The following SLC17A3 variants were observed in gnomAD, a reference collection of about 807,000 sequenced individuals.
SLC17A3 encodes solute carrier family 17 member 3.
Under a neutral mutation model 60.3 loss-of-function variants are expected in SLC17A3, and 61 were observed. That is an observed-to-expected ratio of 1.01 (90% CI 0.82 to 1.25). The LOEUF (loss-of-function observed/expected upper bound fraction) is 1.25, where lower values mean the gene tolerates loss of function less well. SLC17A3 is among the 50% of genes most tolerant of loss of function. The probability of loss-of-function intolerance (pLI) is 0.00; values close to 1 mark genes in which losing one functional copy is unlikely to be tolerated. For missense variants in SLC17A3, 624 were observed against 594.9 expected (o/e 1.05, Z -0.51); for synonymous variants, 192 against 208.9 (o/e 0.92, Z 0.70).
intron 5 of SLC17A3, among the ~76,000 whole-genome samples, chr6:25,856,836 G>C (rs1765364692): frequency 7.3e-6 from 1 of 136,122 alleles, no homozygotes; most frequent in Non-Finnish European, 1.6e-5. Context: ...GACAGAGTGA[G>C]ACTCTGTCTC....
intron 2 of SLC17A3, among the ~76,000 whole-genome samples, chr6:25,866,372 C>A (rs1188876403): frequency 6.6e-6 from 1 of 151,956 alleles, no homozygotes; most frequent in African/African-American, 2.4e-5. Flanking sequence ...TTCCAACAAC[C>A]TGAATAAGCC....
rs778116087 is a variant in SLC17A3, at chr6:25,850,536, G to A, written c.916C>T (p.His306Tyr). 1 of 1,613,728 alleles carries A rather than the reference G, an allele frequency of 6.2e-7. No individual in the cohort carries two copies. The highest frequency in any genetic ancestry group is 1.1e-5 in the South Asian group (1 of 91,072). ...IWSICLGCFS[H>Y]QWLVSTMVVY... ...ACCATTGTGCTAACTAACCATTGAT[G>A]GCTGAAACAGCCTAAACATATGGAC... Residue 306 changes from histidine to tyrosine, a missense_variant, in exon 8 of 13, where the codon CAT becomes TAT. His to Tyr is a moderately conservative substitution (Grantham distance 83). Coordinates refer to ENST00000397060, the MANE Select transcript of SLC17A3 (RefSeq NM_001098486.2).
chr6:25,857,395 G>GAGGA (rs1765374915), intron 5 of SLC17A3, among the ~76,000 whole-genome samples: 1 of 151,434 alleles, frequency 6.6e-6, no homozygotes, highest in African/African-American at 2.4e-5. Flanking sequence ...ATGATCCTTT[G>GAGGA]TCTGTATGCT....
At chr6:25,857,514 G>A (rs748880506) in intron 5 of SLC17A3, among the ~76,000 whole-genome samples, 28 of 142,686 alleles carry the variant, frequency 2.0e-4, no homozygotes, top group Admixed American at 5.0e-4. Context: ...TGACCTCTAC[G>A]TTTACTCTTT....
At position 25,850,515 on chromosome 6, in the gene SLC17A3, T is replaced by C. The variant is rs753790384; in HGVS notation, c.937A>G (p.Met313Val). ...ATGTAAGTTGGTATGTATACAACCA[T>C]TGTGCTAACTAACCATTGATGGCTG... ...CFSHQWLVST[M>V]VVYIPTYISS... The change falls in exon 8 of 13, where the codon ATG becomes GTG. Residue 313 changes from methionine to valine, a missense_variant. Transcript: ENST00000397060. 3.1e-5 allele frequency: 50 copies of C among 1,613,706 alleles called. No individual in the cohort carries two copies. In the South Asian group the frequency reaches 5.3e-4, roughly 17 times the overall value.
intron 5 of SLC17A3, among the ~76,000 whole-genome samples, chr6:25,858,718 T>G (rs1765400002): frequency 6.6e-6 from 1 of 152,244 alleles, no homozygotes; most frequent in Non-Finnish European, 1.5e-5. Flanking sequence ...TTTTTTCTCA[T>G]GTCGCTACCA....
chr6:25,861,812 A>G lies in SLC17A3; in HGVS notation c.521T>C (p.Val174Ala). 1.2e-6 allele frequency: 2 copies of G among 1,613,616 alleles called. No individual in the cohort carries two copies. Among genetic ancestry groups the G allele is most frequent in the South Asian group, 2.2e-5 (2 of 91,052 alleles). Residue 174 changes from valine (V) to alanine (A), a missense_variant, in exon 4 of 13, where the codon GTC becomes GCC. Coordinates refer to ENST00000397060, the MANE Select transcript of SLC17A3 (RefSeq NM_001098486.2). ...GIVLLIVTRI[V>A]QGLSQSSILG... Reference sequence around the variant, plus strand: ...ATTGGGTACCTGGCTTAGGCCCTGGACTATTCGAGTTACAATGAGCAAGAC... The same window carrying G: ...ATTGGGTACCTGGCTTAGGCCCTGGGCTATTCGAGTTACAATGAGCAAGAC...
In SLC17A3 at chr6:25,868,436, G is replaced by A; in HGVS notation, c.-33-16C>T. 6.9e-7 allele frequency: 1 copy of A among 1,439,942 alleles called. No individual in the cohort carries two copies. Among genetic ancestry groups the A allele is most frequent in the Non-Finnish European group, 9.8e-7 (1 of 1,022,640 alleles). 89.2% of individuals were successfully genotyped at this position (1,439,942 alleles called of 1,614,324 possible). A position where few individuals can be genotyped will look rare whatever the true frequency, so the allele number is the denominator to read the frequency against. On this transcript the variant is annotated splice_polypyrimidine_tract_variant and intron_variant, in intron 1 of 12. Transcript: ENST00000397060. ...TGGTTTTCACCTATCAGGGAGATAT[G>A]TAATTCACATGCATCAGTTGAGAGA...
chr6:25,863,804 A>T (rs917861898), intron 2 of SLC17A3, among the ~76,000 whole-genome samples: 2 of 152,008 alleles, frequency 1.3e-5, no homozygotes, highest in South Asian at 4.1e-4. Context: ...CCACTCTTCT[A>T]GGCCACGTCC....
In SLC17A3 at chr6:25,861,991, G is replaced by A; in HGVS notation, c.342C>T (p.Ile114=). ...CACCATAGCCAACAGCACCAAAGAT[G>A]ATGCCTTGGATTTGAGGAGACCAGT... The part of the protein sequence containing the change: ...VYDWSPQIQG[I]IFGAVGYGGI... The change falls in exon 4 of 13, where the codon ATC becomes ATT. Residue 114 remains isoleucine (I), a synonymous_variant. Transcript: ENST00000397060. The A allele has an allele frequency of 6.2e-7, 1 of 1,610,486 alleles. No individual in the cohort carries two copies. Among genetic ancestry groups the A allele is most frequent in the East Asian group, 2.2e-5 (1 of 44,814 alleles).
intron 1 of SLC17A3, among the ~76,000 whole-genome samples, chr6:25,873,069 C>A (rs1003147839): frequency 6.6e-6 from 1 of 151,982 alleles, no homozygotes; most frequent in Non-Finnish European, 1.5e-5. Flanking sequence ...GCTCTGCTGA[C>A]CCTTCCCACA....
intron 1 of SLC17A3, among the ~76,000 whole-genome samples, chr6:25,872,155 T>C (rs1383133768): frequency 6.6e-6 from 1 of 152,060 alleles, no homozygotes; most frequent in Non-Finnish European, 1.5e-5. Context: ...TATGACTTCA[T>C]AATTATTTCA....
intron 5 of SLC17A3, among the ~76,000 whole-genome samples, chr6:25,856,803 C>T (rs752855222): frequency 4.0e-5 from 6 of 148,944 alleles, no homozygotes; most frequent in African/African-American, 7.5e-5. Flanking sequence ...GCCGAGATTG[C>T]GCCACTGCAC....
intron 5 of SLC17A3, among the ~76,000 whole-genome samples, chr6:25,857,799 C>T (rs1051747532): frequency 3.9e-5 from 6 of 152,134 alleles, no homozygotes; most frequent in African/African-American, 1.4e-4. Context: ...GCATCTTTTC[C>T]TTGAACTCTT....
At position 25,848,277 on chromosome 6, in the gene SLC17A3, T is replaced by C. The variant is rs557434531; in HGVS notation, c.1362+1097A>G. Reference sequence around the variant, plus strand: ...GGTAGAAACCCAGTAGTGGGATGGCTGGATCAAACAGTAGTTCTACTTTTA... The same window carrying C: ...GGTAGAAACCCAGTAGTGGGATGGCCGGATCAAACAGTAGTTCTACTTTTA... On this transcript the variant is annotated intron_variant, in intron 11 of 12. Transcript: ENST00000397060. Among the ~76,000 whole-genome samples the C allele has an allele frequency of 5.3e-5, 8 of 152,338 alleles. No individual in the cohort carries two copies. In the South Asian group the frequency reaches 1.5e-3, roughly 28 times the overall value.
chr6:25,851,719 G>A (rs1292974394), intron 6 of SLC17A3, among the ~76,000 whole-genome samples: 2 of 152,056 alleles, frequency 1.3e-5, no homozygotes, highest in Non-Finnish European at 2.9e-5. Flanking sequence ...ATAGAATCAT[G>A]AGTCTATGAT....
chr6:25,852,853 G>A (rs1291914609), intron 6 of SLC17A3, among the ~76,000 whole-genome samples: 1 of 152,032 alleles, frequency 6.6e-6, no homozygotes, highest in Non-Finnish European at 1.5e-5. Context: ...TTTTCTTCAT[G>A]TCTGGTAATC....
chr6:25,873,763 G>A (rs1765682583), intron 1 of SLC17A3, among the ~76,000 whole-genome samples: 1 of 152,056 alleles, frequency 6.6e-6, no homozygotes, highest in Non-Finnish European at 1.5e-5. Context: ...TACTGCACCA[G>A]CCAGTCTACA....
chr6:25,859,731 T>G (rs568852220), intron 5 of SLC17A3, among the ~76,000 whole-genome samples: 18 of 152,228 alleles, frequency 1.2e-4, no homozygotes, highest in Middle Eastern at 3.4e-3. Flanking sequence ...ACACCATCAG[T>G]GGTAAGGCTG....
Sources: gnomAD v4.1 joint callset for allele counts (sites outside exome capture counted in the v4.1 genomes callset) on GRCh38, gnomAD v4.1.1 for gene constraint, MANE v1.5 for transcripts, NCBI Gene and HGNC (gene_info 2026-07-23, HGNC 2026-07-21) for gene names.